Variants in TAB2 observed in about 807,000 individuals in gnomAD.
The protein encoded by TAB2 is TGF-beta-activated kinase 1 and MAP3K7-binding protein 2.
TAB2 carries 3 observed loss-of-function variants against 65.0 expected under a neutral mutation model. The ratio of observed to expected loss-of-function variants is 0.05; its 90% CI spans 0.02 to 0.12. The LOEUF (loss-of-function observed/expected upper bound fraction) is 0.12. Ranked by LOEUF, TAB2 falls within the 10% of genes least tolerant of loss-of-function variation. TAB2 has a pLI of 1.00. For missense variants in TAB2, 623 were observed against 840.3 expected, an observed-to-expected ratio of 0.74 and a Z score of 3.20; for synonymous variants, 298 against 285.1, an observed-to-expected ratio of 1.05 and a Z score of -0.46.
chr6:149,344,436 G>T (rs1278059476), intron 1 of TAB2, among the ~76,000 whole-genome samples: 1 of 149,954 alleles, frequency 6.7e-6, no homozygotes, highest in African/African-American at 2.5e-5. Flanking sequence ...TAATGTTTCT[G>T]CTGAACCATG....
chr6:149,282,369 AAGTC>A (rs1292164372), intron 1 of TAB2, among the ~76,000 whole-genome samples: 2 of 152,072 alleles, frequency 1.3e-5, no homozygotes, highest in Non-Finnish European at 2.9e-5. Flanking sequence ...AATAAATAGA[AAGTC>A]AGTAAGAATA....
intron 1 of TAB2, among the ~76,000 whole-genome samples, chr6:149,349,933 A>G (rs1316022765): frequency 6.6e-6 from 1 of 152,000 alleles, no homozygotes; most frequent in East Asian, 1.9e-4. Context: ...GCATGCATTC[A>G]TTCATTCATT....
chr6:149,326,552 A>AT (rs11309696), intron 1 of TAB2, among the ~76,000 whole-genome samples: 52 of 141,796 alleles, frequency 3.7e-4, no homozygotes, highest in South Asian at 2.1e-3. Flanking sequence ...TTTTGTTATT[A>AT]TTTTTTTTTT....
intron 3 of TAB2, 133 bp from the exon 4 acceptor site, chr6:149,397,470 TG>T: frequency 9.6e-7 from 1 of 1,039,218 alleles, no homozygotes; most frequent in Non-Finnish European, 1.5e-6. Flanking sequence ...AAATTTTAAA[TG>T]CCTAAACTTA....
At chr6:149,267,298 T>C (rs888709443) in intron 1 of TAB2, among the ~76,000 whole-genome samples, 2 of 152,172 alleles carry the variant, frequency 1.3e-5, no homozygotes, top group African/African-American at 4.8e-5. Flanking sequence ...TTCCTCTTCC[T>C]GCTGTCCAGG....
chr6:149,380,855 G>A (rs770984189), intron 3 of TAB2, among the ~76,000 whole-genome samples: 4 of 152,134 alleles, frequency 2.6e-5, no homozygotes, highest in Non-Finnish European at 5.9e-5. Context: ...GGTCCTAATT[G>A]CTTTGCCTTA....
chr6:149,383,971 C>G (rs1781704483), intron 3 of TAB2, among the ~76,000 whole-genome samples: 1 of 152,104 alleles, frequency 6.6e-6, no homozygotes, highest in African/African-American at 2.4e-5. Flanking sequence ...CTGCTTTTAC[C>G]CTACATAGTT....
chr6:149,348,259 C>T (rs372580570), intron 1 of TAB2, among the ~76,000 whole-genome samples: 10 of 151,962 alleles, frequency 6.6e-5, no homozygotes, highest in East Asian at 1.9e-4. Flanking sequence ...TGTGGGGTTG[C>T]GCACCGGTAG....
chr6:149,254,933 G>A (rs1248010406), intron 1 of TAB2, among the ~76,000 whole-genome samples: 1 of 152,228 alleles, frequency 6.6e-6, no homozygotes, highest in African/African-American at 2.4e-5. Flanking sequence ...ATACTTAGAT[G>A]AGACTTTGGA....
chr6:149,366,256 A>G (rs540391147), intron 1 of TAB2, among the ~76,000 whole-genome samples: 1 of 152,296 alleles, frequency 6.6e-6, no homozygotes, highest in South Asian at 2.1e-4. Flanking sequence ...CAAGCCAGAT[A>G]ACTTGACTAC....
chr6:149,407,128 T>C (rs890798960), intron 6 of TAB2, among the ~76,000 whole-genome samples: 1 of 152,186 alleles, frequency 6.6e-6, no homozygotes, highest in South Asian at 2.1e-4. Flanking sequence ...GAGAGTGAGA[T>C]TAGGGCATTT....
At chr6:149,262,144 G>C (rs922560541) in intron 1 of TAB2, among the ~76,000 whole-genome samples, 3 of 152,190 alleles carry the variant, frequency 2.0e-5, no homozygotes, top group African/African-American at 7.2e-5. Context: ...TTTACATAGT[G>C]TAAAGCAAAG....
intron 1 of TAB2, among the ~76,000 whole-genome samples, chr6:149,341,692 C>G (rs1337237275): frequency 6.6e-6 from 1 of 152,158 alleles, no homozygotes; most frequent in East Asian, 1.9e-4. Flanking sequence ...TTACATTTTT[C>G]ACAAAAACTA....
At chr6:149,309,106 T>G (rs1216908065) in intron 1 of TAB2, among the ~76,000 whole-genome samples, 1 of 152,194 alleles carries the variant, frequency 6.6e-6, no homozygotes, top group African/African-American at 2.4e-5. Flanking sequence ...ATCTTATTTT[T>G]TTATTTTTTC....
intron 1 of TAB2, among the ~76,000 whole-genome samples, chr6:149,286,294 G>A (rs919708964): frequency 6.6e-6 from 1 of 152,042 alleles, no homozygotes; most frequent in Non-Finnish European, 1.5e-5. Flanking sequence ...TTATTGATAT[G>A]GTGCACATCT....
rs564963715 is a variant in TAB2 at position 149,240,102 on chromosome 6, C to G, written c.-121+21326C>G. ...TGCCCCTGCTGAAGGTAGCGCCAAA[C>G]TGCCCCGTTGTGCTATCTTGATTAT... On this transcript the variant is annotated intron_variant, in intron 1 of 1. Transcript: ENST00000606202. Among the ~76,000 whole-genome samples, 19 of 152,350 alleles carry G rather than the reference C, an allele frequency of 1.2e-4. 1 individual carries two copies. In the Middle Eastern group the frequency reaches 0.031, roughly 245 times the overall value.
chr6:149,293,018 T>C (rs1259734623), intron 1 of TAB2, among the ~76,000 whole-genome samples: 1 of 151,838 alleles, frequency 6.6e-6, no homozygotes, highest in African/African-American at 2.4e-5. Flanking sequence ...TGTTGGCAAG[T>C]TGGGAGTTTC....
intron 1 of TAB2, among the ~76,000 whole-genome samples, chr6:149,356,886 A>G (rs1780670957): frequency 6.6e-6 from 1 of 152,160 alleles, no homozygotes; most frequent in Non-Finnish European, 1.5e-5. Context: ...TATATGATTA[A>G]TTTGCTACAA....
rs1394053143 is a variant in TAB2, at chr6:149,369,938, A to G, written c.-60A>G. On this transcript the variant is annotated 5_prime_UTR_variant, in exon 2 of 7. Transcript: ENST00000637181. Reference sequence around the variant, plus strand: ...TGCTTGGACAGAAGAGATGAGTACTATTTCCACTAAGGCCTAGAATTGCCT... The same window carrying G: ...TGCTTGGACAGAAGAGATGAGTACTGTTTCCACTAAGGCCTAGAATTGCCT... 17 of 1,428,234 alleles carry G rather than the reference A, an allele frequency of 1.2e-5. No homozygotes were observed. The Admixed American group carries it at 1.8e-4, about 15-fold the overall frequency. 88.5% of individuals were successfully genotyped at this position (1,428,234 alleles called of 1,614,324 possible).
Sources: allele counts gnomAD v4.1 joint callset (sites outside exome capture counted in the v4.1 genomes callset), GRCh38; gene constraint gnomAD v4.1.1; transcripts MANE v1.5; gene names NCBI Gene and HGNC (gene_info 2026-07-23, HGNC 2026-07-21).